The following MAPKAPK5 variants were observed in gnomAD, a reference collection of about 807,000 sequenced individuals.
MAPKAPK5 encodes the protein MAP kinase-activated protein kinase 5.
MAPKAPK5 carries 30 observed loss-of-function variants against 65.1 expected under a neutral mutation model. That is an observed-to-expected ratio of 0.46 (90% CI 0.34 to 0.63). The LOEUF is 0.63. MAPKAPK5 is among the 20% of genes least tolerant of loss of function. The pLI is 0.01. For missense variants in MAPKAPK5, 433 were observed against 581.4 expected, an observed-to-expected ratio of 0.74 and a Z score of 2.63; for synonymous variants, 179 against 204.6, an observed-to-expected ratio of 0.87 and a Z score of 1.07.
intron 1 of MAPKAPK5, among the ~76,000 whole-genome samples, chr12:111,855,853 C>CTTTTTTTTTTTTTTTTTTTT (rs144921229): frequency 7.4e-6 from 1 of 135,746 alleles, no homozygotes. Context: ...TGTTTAATTT[C>CTTTTTTTTTTTTTTTTTTTT]TTTTTTTTTT....
At position 111,896,473 on chromosome 12, in the gene MAPKAPK5, T is replaced by C. The variant is rs1011872911; in HGVS notation, c.*3412T>C. 2 of 152,228 alleles carry C rather than the reference T, an allele frequency of 1.3e-5. No individual in the cohort carries two copies. Among genetic ancestry groups the C allele is most frequent in the African/African-American group, 4.8e-5 (2 of 41,460 alleles). The allele number at this position is 152,228 out of a possible 1,614,324, so 9.4% of individuals were successfully genotyped here. A position where few individuals can be genotyped will look rare whatever the true frequency, so the allele number is the denominator to read the frequency against. ...TGGCTTGGTCTTCGAAGTGGAGTTT[T>C]GTTTGTGTATTCCTAGTCCAGCAGT... On this transcript the variant is annotated 3_prime_UTR_variant, in exon 14 of 14. Transcript: ENST00000550735.
Position 111,865,841 on chromosome 12 carries a change from A to AG in MAPKAPK5, c.111-315_111-314insG, listed in dbSNP as rs1405936912. Reference sequence around the variant, plus strand: ...CAGAGCGAGATTCTGTCTCAAAAAAAAAAAAAAAAAAAAAAAAGGGTGTCG... The same window carrying AG: ...CAGAGCGAGATTCTGTCTCAAAAAAAGAAAAAAAAAAAAAAAAAGGGTGTCG... On this transcript the variant is annotated intron_variant, in intron 2 of 13. Transcript: ENST00000550735. Among the ~76,000 whole-genome samples, 18 of 150,978 alleles carry AG rather than the reference A, an allele frequency of 1.2e-4. No individual in the cohort carries two copies. The East Asian group carries it at 1.4e-3, about 12-fold the overall frequency.
chr12:111,880,854 A>G (rs1376921266), intron 8 of MAPKAPK5, among the ~76,000 whole-genome samples: 1 of 152,128 alleles, frequency 6.6e-6, no homozygotes, highest in Non-Finnish European at 1.5e-5. Flanking sequence ...TTGACTGTCC[A>G]TATGGTCCAC....
At chr12:111,846,106 G>A (rs2136059795) in intron 1 of MAPKAPK5, among the ~76,000 whole-genome samples, 2 of 152,246 alleles carry the variant, frequency 1.3e-5, no homozygotes, top group East Asian at 3.9e-4. Flanking sequence ...GCTAATTTGG[G>A]CATTTCCAGC....
At chr12:111,863,932 T>C (rs1376067207) in intron 1 of MAPKAPK5, among the ~76,000 whole-genome samples, 1 of 152,028 alleles carries the variant, frequency 6.6e-6, no homozygotes, top group African/African-American at 2.4e-5. Flanking sequence ...GGTCTGCAGT[T>C]GGTTTCCTAT....
intron 1 of MAPKAPK5, among the ~76,000 whole-genome samples, chr12:111,856,975 G>A (rs1443601431): frequency 6.6e-6 from 1 of 151,998 alleles, no homozygotes; most frequent in East Asian, 1.9e-4. Flanking sequence ...TTTTTGAAAT[G>A]CTTTTATGAG....
chr12:111,880,424 C>T (rs2070155145), intron 7 of MAPKAPK5, 23 bp from the exon 8 acceptor site: 4 of 1,597,622 alleles, frequency 2.5e-6, no homozygotes, highest in Non-Finnish European at 1.7e-6. Context: ...TTAAATGGTC[C>T]CCTTTGGTCT....
At position 111,900,414 on chromosome 12, in the gene MAPKAPK5, A is replaced by G; in HGVS notation, c.*7353A>G. 1 of 456,084 alleles carries G rather than the reference A, an allele frequency of 2.2e-6. No homozygotes were observed. Among genetic ancestry groups the G allele is most frequent in the South Asian group, 1.5e-5 (1 of 64,562 alleles). The allele number at this position is 456,084 out of a possible 1,614,324, so 28.3% of individuals were successfully genotyped here. On this transcript the variant is annotated 3_prime_UTR_variant, in exon 14 of 14. Coordinates refer to ENST00000550735, the MANE Select transcript of MAPKAPK5 (RefSeq NM_003668.4). ...GCACGACCACTCGGCCTGCTTTTGT[A>G]AAGATAAGCACTTTTGCCTCATGCA...
chr12:111,861,622 G>A (rs552073232), intron 1 of MAPKAPK5, among the ~76,000 whole-genome samples: 7 of 152,242 alleles, frequency 4.6e-5, no homozygotes, highest in East Asian at 3.9e-4. Flanking sequence ...CACCATGCCC[G>A]GCCTGCATCA....
chr12:111,890,578 C>A (rs575826902), intron 13 of MAPKAPK5, among the ~76,000 whole-genome samples: 1 of 152,288 alleles, frequency 6.6e-6, no homozygotes, highest in Admixed American at 6.5e-5. Flanking sequence ...AGCTGTTTCA[C>A]GAAAGAGGAG....
chr12:111,848,423 T>C (rs1035660262), intron 1 of MAPKAPK5, among the ~76,000 whole-genome samples: 3 of 151,144 alleles, frequency 2.0e-5, no homozygotes, highest in African/African-American at 7.3e-5. Flanking sequence ...TTTTTTTTTT[T>C]TTTTTTTTGA....
At chr12:111,843,784 C>T (rs1044221746) in intron 1 of MAPKAPK5, among the ~76,000 whole-genome samples, 4 of 151,226 alleles carry the variant, frequency 2.6e-5, no homozygotes, top group Admixed American at 2.0e-4. Flanking sequence ...CAACATATAA[C>T]ATATACATTA....
At position 111,894,012 on chromosome 12, in the gene MAPKAPK5, G is replaced by A. The variant is rs550245235; in HGVS notation, c.*951G>A. 1.7e-4 allele frequency: 26 copies of A among 156,368 alleles called. No individual in the cohort carries two copies. The highest frequency in any genetic ancestry group is 3.2e-3 in the Middle Eastern group (1 of 314). The allele number at this position is 156,368 out of a possible 1,614,324, so 9.7% of individuals were successfully genotyped here. A position where few individuals can be genotyped will look rare whatever the true frequency, so the allele number is the denominator to read the frequency against. Reference sequence around the variant, plus strand: ...ATTACAGGCGTGAGCCACTGTGCCCGGCCTTGGGTTTATTCTTTCTTTATA... The same window carrying A: ...ATTACAGGCGTGAGCCACTGTGCCCAGCCTTGGGTTTATTCTTTCTTTATA... On this transcript the variant is annotated 3_prime_UTR_variant, in exon 14 of 14. Transcript: ENST00000550735.
chr12:111,864,584 TGCAATA>T (rs2136102817), intron 1 of MAPKAPK5, among the ~76,000 whole-genome samples: 1 of 152,324 alleles, frequency 6.6e-6, no homozygotes, highest in South Asian at 2.1e-4. Context: ...GAGGCTAACA[TGCAATA>T]GTTAGCCAAG....
At chr12:111,869,315 T>C (rs2069706714) in intron 5 of MAPKAPK5, among the ~76,000 whole-genome samples, 1 of 152,250 alleles carries the variant, frequency 6.6e-6, no homozygotes, top group East Asian at 1.9e-4. Flanking sequence ...GATTTAATAA[T>C]ATCCTAAGAT....
In MAPKAPK5 at chr12:111,845,093, A is replaced by G. The variant is rs571941042; in HGVS notation, c.36+2324A>G. Reference sequence around the variant, plus strand: ...GCAGCAATGTCACTTAGTGGTTGTTATAGCTTCTCTAGGTAGACTCAGTTG... The same window carrying G: ...GCAGCAATGTCACTTAGTGGTTGTTGTAGCTTCTCTAGGTAGACTCAGTTG... On this transcript the variant is annotated intron_variant, in intron 1 of 13. Coordinates refer to ENST00000550735, the MANE Select transcript of MAPKAPK5 (RefSeq NM_003668.4). Among the ~76,000 whole-genome samples, 4 of 152,242 alleles carry G rather than the reference A, an allele frequency of 2.6e-5. No homozygotes were observed. In the East Asian group the frequency reaches 7.7e-4, roughly 29 times the overall value.
At chr12:111,866,559 G>C (rs1378446024) in intron 3 of MAPKAPK5, among the ~76,000 whole-genome samples, 2 of 152,226 alleles carry the variant, frequency 1.3e-5, no homozygotes, top group Non-Finnish European at 2.9e-5. Flanking sequence ...GAAGAGTCAG[G>C]TGAATGGTGT....
rs1470924175 is a variant in MAPKAPK5 at position 111,898,815 on chromosome 12, G to A, written c.*5754G>A. The A allele has an allele frequency of 6.6e-6, 1 of 152,148 alleles. No individual in the cohort carries two copies. Among genetic ancestry groups the A allele is most frequent in the Admixed American group, 6.6e-5 (1 of 15,258 alleles). 9.4% of individuals were successfully genotyped at this position (152,148 alleles called of 1,614,324 possible). A position where few individuals can be genotyped will look rare whatever the true frequency, so the allele number is the denominator to read the frequency against. On this transcript the variant is annotated 3_prime_UTR_variant, in exon 14 of 14. Coordinates refer to ENST00000550735, the MANE Select transcript of MAPKAPK5 (RefSeq NM_003668.4). ...CACAAAGAACTTTGTCCTTTTCAGA[G>A]ATCCCCAGAGAAGCCCTGCCCCCTT... is the stretch of plus-strand genomic sequence containing the variant.
chr12:111,891,197 G>A (rs1436327910), intron 13 of MAPKAPK5, among the ~76,000 whole-genome samples: 1 of 151,316 alleles, frequency 6.6e-6, no homozygotes, highest in African/African-American at 2.4e-5. Flanking sequence ...GGGCTCATGC[G>A]ATTCTCCCAC....
Sources: allele counts gnomAD v4.1 joint callset (sites outside exome capture counted in the v4.1 genomes callset), GRCh38; gene constraint gnomAD v4.1.1; transcripts MANE v1.5; gene names NCBI Gene and HGNC (gene_info 2026-07-23, HGNC 2026-07-21).